NAALADL2: variants seen among roughly 807,000 people sequenced by gnomAD.
NAALADL2 encodes N-acetylated alpha-linked acidic dipeptidase like 2.
In NAALADL2, 76 loss-of-function variants were observed where a neutral mutation model predicts 87.2. That is an observed-to-expected ratio of 0.87 (90% confidence interval 0.72 to 1.05). The LOEUF is 1.05. Ranked by LOEUF, NAALADL2 falls within the 50% of genes least tolerant of loss-of-function variation. The probability of loss-of-function intolerance (pLI) is 0.00; values close to 1 mark genes in which losing one functional copy is unlikely to be tolerated. For synonymous variants in NAALADL2, 354 were observed against 331.0 expected (o/e 1.07, Z -0.75); for missense variants, 1,089 against 945.8 (o/e 1.15, Z -1.99).
intron 1 of NAALADL2, among the ~76,000 whole-genome samples, chr3:175,001,722 A>G (rs1444964225): frequency 1.3e-5 from 2 of 152,188 alleles, no homozygotes; most frequent in African/African-American, 2.4e-5. Flanking sequence ...TCCACGTGAA[A>G]AAAAAATCAG....
intron 11 of NAALADL2, among the ~76,000 whole-genome samples, chr3:175,639,951 A>G (rs1729075035): frequency 6.6e-6 from 1 of 152,188 alleles, no homozygotes; most frequent in African/African-American, 2.4e-5. Flanking sequence ...CAGAATGGAT[A>G]CACTAAAAGA....
At chr3:175,655,723 A>G (rs1258776129) in intron 11 of NAALADL2, among the ~76,000 whole-genome samples, 2 of 141,844 alleles carry the variant, frequency 1.4e-5, no homozygotes, top group African/African-American at 5.5e-5. Flanking sequence ...ATAAAATAAA[A>G]TAAAATAAAA....
Position 175,482,694 on chromosome 3 carries a change from G to T in NAALADL2, c.1653+10936G>T, listed in dbSNP as rs976449192. 2.0e-5 allele frequency among the ~76,000 whole-genome samples: 3 copies of T among 151,716 alleles called. No individual in the cohort carries two copies. In the Admixed American group the frequency reaches 2.0e-4, roughly 10 times the overall value. ...TTCTCTAACCTACTAATTTTGTTGA[G>T]ATTATCTCTCCCTTTCAGCTTACAA... On this transcript the variant is annotated intron_variant, in intron 9 of 13. Coordinates refer to ENST00000454872, the MANE Select transcript of NAALADL2 (RefSeq NM_207015.3).
At chr3:174,985,596 G>A (rs1355169075) in intron 1 of NAALADL2, among the ~76,000 whole-genome samples, 2 of 152,116 alleles carry the variant, frequency 1.3e-5, no homozygotes, top group African/African-American at 2.4e-5. Context: ...AATAAAAGCA[G>A]AAGGCCATCA....
At chr3:174,566,078 C>T (rs1714222175) in intron 2 of NAALADL2, among the ~76,000 whole-genome samples, 2 of 151,452 alleles carry the variant, frequency 1.3e-5, no homozygotes, top group African/African-American at 2.4e-5. Flanking sequence ...GGAATTTATG[C>T]CCTTTATAAT....
intron 2 of NAALADL2, among the ~76,000 whole-genome samples, chr3:175,100,508 A>G (rs1376312123): frequency 6.6e-6 from 1 of 152,178 alleles, no homozygotes; most frequent in East Asian, 1.9e-4. Context: ...TGCCATATCT[A>G]AGTGATAAGA....
chr3:174,655,025 C>T (rs532021321), intron 2 of NAALADL2, among the ~76,000 whole-genome samples: 9 of 152,086 alleles, frequency 5.9e-5, no homozygotes, highest in Admixed American at 2.0e-4. Flanking sequence ...GTGAGCTTAC[C>T]GTGCCTGGCC....
At chr3:174,945,168 G>A (rs531684486) in intron 1 of NAALADL2, among the ~76,000 whole-genome samples, 1 of 152,240 alleles carries the variant, frequency 6.6e-6, no homozygotes, top group African/African-American at 2.4e-5. Flanking sequence ...TGGAAAAAGA[G>A]GTATACCAGA....
At chr3:174,595,396 C>G (rs899859065) in intron 2 of NAALADL2, among the ~76,000 whole-genome samples, 50 of 152,128 alleles carry the variant, frequency 3.3e-4, no homozygotes, top group African/African-American at 1.1e-3. Flanking sequence ...TGAATCTCTA[C>G]TGTGTCAGAT....
chr3:174,597,069 G>T (rs891378113), intron 2 of NAALADL2, among the ~76,000 whole-genome samples: 6 of 152,124 alleles, frequency 3.9e-5, no homozygotes, highest in Non-Finnish European at 7.4e-5. Flanking sequence ...GGATTCACAG[G>T]ACTCTACATA....
chr3:175,195,420 C>G (rs1284960342), intron 2 of NAALADL2, among the ~76,000 whole-genome samples: 1 of 151,600 alleles, frequency 6.6e-6, no homozygotes, highest in Non-Finnish European at 1.5e-5. Flanking sequence ...TGAGATGGAT[C>G]AGGTGGTGAG....
At chr3:175,353,457 G>A (rs1411167401) in intron 5 of NAALADL2, among the ~76,000 whole-genome samples, 1 of 152,042 alleles carries the variant, frequency 6.6e-6, no homozygotes, top group Non-Finnish European at 1.5e-5. Flanking sequence ...AAAGATAAAA[G>A]GGCATAGTTT....
At chr3:175,246,608 G>A (rs148004769) in intron 3 of NAALADL2, among the ~76,000 whole-genome samples, 301 of 152,232 alleles carry the variant, frequency 2.0e-3, no homozygotes, top group African/African-American at 3.9e-3. Context: ...GGACTGTACC[G>A]GGGTAATTTT....
intron 1 of NAALADL2, among the ~76,000 whole-genome samples, chr3:174,875,362 T>C (rs116783928): frequency 0.021 from 3,120 of 152,166 alleles, 115 homozygotes; most frequent in African/African-American, 0.071. Context: ...AATAGTTGTT[T>C]ACTATGTACA....
intron 2 of NAALADL2, among the ~76,000 whole-genome samples, chr3:174,606,396 A>G (rs1403103927): frequency 6.6e-6 from 1 of 152,186 alleles, no homozygotes; most frequent in African/African-American, 2.4e-5. Flanking sequence ...AATTCAAACC[A>G]AAGGCAAAGA....
Position 175,371,354 on chromosome 3 carries a change from G to T in NAALADL2, c.1090+47029G>T, listed in dbSNP as rs561312205. Among the ~76,000 whole-genome samples the T allele has an allele frequency of 5.6e-4, 85 of 151,930 alleles. No individual in the cohort carries two copies. The Middle Eastern group carries it at 0.01, about 18-fold the overall frequency. On this transcript the variant is annotated intron_variant, in intron 5 of 13. Coordinates refer to ENST00000454872, the MANE Select transcript of NAALADL2 (RefSeq NM_207015.3). Reference sequence around the variant, plus strand: ...GCTATCTCGGCTCACTGCAAGCTCCGCCCCCCGGGTTCTCGCCGTTCTCCT... The same window carrying T: ...GCTATCTCGGCTCACTGCAAGCTCCTCCCCCCGGGTTCTCGCCGTTCTCCT...
chr3:175,515,717 C>T (rs371982616), intron 9 of NAALADL2, among the ~76,000 whole-genome samples: 1 of 152,156 alleles, frequency 6.6e-6, no homozygotes, highest in Admixed American at 6.5e-5. Flanking sequence ...GCTGGATGGA[C>T]GTTACAGGCA....
At chr3:174,800,588 TC>T (rs576609578) in intron 3 of NAALADL2, among the ~76,000 whole-genome samples, 1 of 151,680 alleles carries the variant, frequency 6.6e-6, no homozygotes, top group African/African-American at 2.4e-5. Flanking sequence ...TTGGAGCCCC[TC>T]CCCCCCAACA....
intron 11 of NAALADL2, among the ~76,000 whole-genome samples, chr3:175,703,690 C>T (rs1391496312): frequency 1.3e-5 from 2 of 152,116 alleles, no homozygotes; most frequent in Admixed American, 6.5e-5. Context: ...TTGCAGTGAG[C>T]TGAGATCGTG....
Sources: allele counts gnomAD v4.1 joint callset (sites outside exome capture counted in the v4.1 genomes callset), GRCh38; gene constraint gnomAD v4.1.1; transcripts MANE v1.5; gene names NCBI Gene and HGNC (gene_info 2026-07-23, HGNC 2026-07-21).